Variants in GXYLT1 observed in about 807,000 individuals in gnomAD.
GXYLT1 encodes the protein glucoside xylosyltransferase 1, also known as glycosyltransferase 8 domain containing 3.
In GXYLT1, 29 loss-of-function variants were observed where a neutral mutation model predicts 54.0. That is an observed-to-expected ratio of 0.54 (90% confidence interval 0.40 to 0.73). The LOEUF (loss-of-function observed/expected upper bound fraction) is 0.73. Among genes scored for constraint, GXYLT1 ranks in the 30% least tolerant of loss-of-function variants. The pLI is 0.00. For synonymous variants in GXYLT1, 176 were observed against 204.1 expected (o/e 0.86, Z 1.17); for missense variants, 490 against 553.4 (o/e 0.89, Z 1.15).
intron 7 of GXYLT1, among the ~76,000 whole-genome samples, chr12:42,089,398 AATGGGTGCAGC>A (rs1177505912): frequency 6.6e-6 from 1 of 151,640 alleles, no homozygotes; most frequent in Non-Finnish European, 1.5e-5. Context: ...ATGACGAGTT[AATGGGTGCAGC>A]ACACCAACAT....
chr12:42,108,135 CTTAAAATTCCATTTAGGGAT>C (rs2065431642), intron 4 of GXYLT1, among the ~76,000 whole-genome samples: 1 of 152,114 alleles, frequency 6.6e-6, no homozygotes, highest in Admixed American at 6.5e-5. Context: ...AGTTCTTGTA[CTTAAAATTCCATTTAGGGAT>C]TTAACTAGAT....
chr12:42,144,316 A>G, intron 1 of GXYLT1, 110 bp downstream of exon 1: 1 of 643,424 alleles, frequency 1.6e-6, no homozygotes, highest in Non-Finnish European at 2.3e-6. Context: ...CAGAGACAGG[A>G]GGAAAGACGC....
chr12:42,142,634 G>A (rs746525015), intron 1 of GXYLT1, among the ~76,000 whole-genome samples: 1 of 152,032 alleles, frequency 6.6e-6, no homozygotes, highest in Non-Finnish European at 1.5e-5. Flanking sequence ...GTGAGCTACC[G>A]AGCGTTGCCA....
chr12:42,114,084 G>T (rs12816034), intron 3 of GXYLT1, among the ~76,000 whole-genome samples: 21,667 of 152,104 alleles, frequency 0.14, 1,673 homozygotes, highest in Non-Finnish European at 0.18. Context: ...AAACCAACCA[G>T]AACAAAGACA....
intron 2 of GXYLT1, among the ~76,000 whole-genome samples, chr12:42,124,191 C>T (rs1431097379): frequency 6.6e-6 from 1 of 151,730 alleles, no homozygotes; most frequent in Admixed American, 6.6e-5. Flanking sequence ...AATAATACAG[C>T]TAATATTAAA....
chr12:42,123,759 A>C (rs1467604097), intron 2 of GXYLT1, among the ~76,000 whole-genome samples: 1 of 152,128 alleles, frequency 6.6e-6, no homozygotes, highest in Non-Finnish European at 1.5e-5. Context: ...AAGTCAAATT[A>C]AACAATTAAA....
intron 1 of GXYLT1, among the ~76,000 whole-genome samples, chr12:42,133,895 A>C (rs1169213978): frequency 1.3e-5 from 2 of 152,070 alleles, no homozygotes; most frequent in Non-Finnish European, 2.9e-5. Flanking sequence ...TTTTCCCTTC[A>C]GTGAAAAATG....
At chr12:42,133,269 C>T (rs1011273031) in intron 1 of GXYLT1, among the ~76,000 whole-genome samples, 2 of 152,086 alleles carry the variant, frequency 1.3e-5, no homozygotes, top group African/African-American at 2.4e-5. Context: ...CAGAGAAAGA[C>T]TCTGTCTCAA....
chr12:42,116,090 A>T (rs2065492856), intron 3 of GXYLT1, among the ~76,000 whole-genome samples: 1 of 152,144 alleles, frequency 6.6e-6, no homozygotes, highest in Non-Finnish European at 1.5e-5. Flanking sequence ...TAGAAAGCTG[A>T]AACTGGATCC....
chr12:42,122,668 T>A (rs1003405648), intron 2 of GXYLT1, among the ~76,000 whole-genome samples: 2 of 152,174 alleles, frequency 1.3e-5, no homozygotes, highest in Non-Finnish European at 2.9e-5. Flanking sequence ...CTTCTTTTTT[T>A]AAAGATGAAT....
chr12:42,107,642 G>A (rs538128815), intron 4 of GXYLT1, among the ~76,000 whole-genome samples: 66 of 152,160 alleles, frequency 4.3e-4, no homozygotes, highest in Admixed American at 5.9e-4. Context: ...AGTGAGCCAA[G>A]ACTGCGCCAG....
chr12:42,125,039 A>C (rs1277718652), intron 2 of GXYLT1, among the ~76,000 whole-genome samples: 1 of 152,216 alleles, frequency 6.6e-6, no homozygotes, highest in Non-Finnish European at 1.5e-5. Flanking sequence ...GTGGATGAAG[A>C]TTCACAGTCA....
chr12:42,127,770 T>G (rs2065571987), intron 2 of GXYLT1, among the ~76,000 whole-genome samples: 2 of 152,244 alleles, frequency 1.3e-5, no homozygotes, highest in African/African-American at 2.4e-5. Flanking sequence ...AATACTATAT[T>G]CATTTGCAAA....
chr12:42,113,783 T>G (rs1307533698), intron 3 of GXYLT1, among the ~76,000 whole-genome samples: 3 of 150,976 alleles, frequency 2.0e-5, no homozygotes, highest in Non-Finnish European at 4.4e-5. Flanking sequence ...GCGGACCTAA[T>G]AGACATCTAC....
intron 7 of GXYLT1, among the ~76,000 whole-genome samples, chr12:42,095,292 C>A (rs1013743287): frequency 6.6e-6 from 1 of 152,050 alleles, no homozygotes; most frequent in Admixed American, 6.5e-5. Flanking sequence ...CACCTTCCAA[C>A]AATACAAATA....
rs755383414 is a variant in GXYLT1, at chr12:42,087,928, T to A, written c.1181A>T (p.Asn394Ile). ...TAAAGGTTTTAATAAGGAACGGATG[T>A]TGTCATCTTCAAAAGAACACTAGAG... is the stretch of plus-strand genomic sequence containing the variant. ...ALRNCSFEDD[N>I]IRSLLKPLEL... The change falls in exon 8 of 8, where the codon AAC becomes ATC. Residue 394 changes from asparagine to isoleucine, a missense_variant. Transcript: ENST00000398675. 1.9e-6 allele frequency: 3 copies of A among 1,551,040 alleles called. No homozygotes were observed. Among genetic ancestry groups the A allele is most frequent in the Non-Finnish European group, 2.6e-6 (3 of 1,149,682 alleles).
intron 2 of GXYLT1, among the ~76,000 whole-genome samples, chr12:42,120,546 T>G (rs1345200497): frequency 6.6e-6 from 1 of 152,158 alleles, no homozygotes; most frequent in African/African-American, 2.4e-5. Context: ...TTCCTTCTTT[T>G]TAGAGACAGG....
Position 42,144,849 on chromosome 12 carries a change from C to A in GXYLT1, c.-203G>T, listed in dbSNP as rs534576852. 1.4e-5 allele frequency: 5 copies of A among 354,934 alleles called. No individual in the cohort carries two copies. The highest frequency in any genetic ancestry group is 4.9e-5 in the Admixed American group (1 of 20,416). 22.0% of individuals were successfully genotyped at this position (354,934 alleles called of 1,614,324 possible). Reference sequence around the variant, plus strand: ...GCGGCTCCGGAGCCGAAGGACTACCCGCCCGGAAGCCTGGACACCGCCTCT... The same window carrying A: ...GCGGCTCCGGAGCCGAAGGACTACCAGCCCGGAAGCCTGGACACCGCCTCT... On this transcript the variant is annotated 5_prime_UTR_variant, in exon 1 of 8. Coordinates refer to ENST00000398675, the MANE Select transcript of GXYLT1 (RefSeq NM_173601.2).
intron 1 of GXYLT1, among the ~76,000 whole-genome samples, chr12:42,130,306 T>A (rs1331330655): frequency 6.6e-6 from 1 of 152,126 alleles, no homozygotes; most frequent in Admixed American, 6.5e-5. Context: ...TAATCCTCAA[T>A]CCAAACTACT....
Sources: allele counts gnomAD v4.1 joint callset (sites outside exome capture counted in the v4.1 genomes callset), GRCh38; gene constraint gnomAD v4.1.1; transcripts MANE v1.5; gene names NCBI Gene and HGNC (gene_info 2026-07-23, HGNC 2026-07-21).